SHANK2: variants seen among roughly 807,000 people sequenced by gnomAD.
SHANK2 encodes the protein SH3 and multiple ankyrin repeat domains protein 2.
SHANK2 carries 43 observed loss-of-function variants against 133.7 expected under a neutral mutation model. That is an observed-to-expected ratio of 0.32 (90% CI 0.25 to 0.41). The LOEUF (loss-of-function observed/expected upper bound fraction) is 0.41, where lower values mean the gene tolerates loss of function less well. Ranked by LOEUF, SHANK2 falls within the 10% of genes least tolerant of loss-of-function variation. SHANK2 has a pLI of 1.00. For synonymous variants in SHANK2, 1,017 were observed against 952.8 expected (o/e 1.07, Z -1.24); for missense variants, 1,994 against 2,235.8 (o/e 0.89, Z 2.18).
intron 2 of SHANK2, among the ~76,000 whole-genome samples, chr11:71,158,553 A>C (rs868973526): frequency 2.0e-5 from 3 of 152,206 alleles, no homozygotes; most frequent in Non-Finnish European, 4.4e-5. Flanking sequence ...ATTCTCCACA[A>C]AATATAAACT....
chr11:71,139,915 G>A (rs4945098), intron 3 of SHANK2, among the ~76,000 whole-genome samples: 56,192 of 151,788 alleles, frequency 0.37, 11,815 homozygotes, highest in East Asian at 0.52. Flanking sequence ...CAGCAGCAGT[G>A]GGCCCGGACA....
At chr11:70,651,225 T>G (rs1270468431) in intron 17 of SHANK2, among the ~76,000 whole-genome samples, 1 of 152,168 alleles carries the variant, frequency 6.6e-6, no homozygotes, top group Non-Finnish European at 1.5e-5. Flanking sequence ...CTGAAGTGAT[T>G]CTGAATCTTT....
intron 17 of SHANK2, among the ~76,000 whole-genome samples, chr11:70,566,929 A>T (rs2059975556): frequency 6.6e-6 from 1 of 152,214 alleles, no homozygotes; most frequent in Non-Finnish European, 1.5e-5. Context: ...AGAAGGAAGA[A>T]TCTCTACTCA....
At position 70,492,413 on chromosome 11, in the gene SHANK2, G is replaced by C. The variant is rs1373325413; in HGVS notation, c.2361C>G (p.Asn787Lys). 1.1e-5 allele frequency: 17 copies of C among 1,613,844 alleles called. No homozygotes were observed. The highest frequency in any genetic ancestry group is 1.4e-5 in the Non-Finnish European group (16 of 1,180,056). ...PASKPSRAAE[N>K]MAVEPRVATI... ...TCGCCACCCTCGGTTCCACAGCCAT[G>C]TTCTCAGCAGCGCGGGAGGGCTTGG... is the stretch of plus-strand genomic sequence containing the variant. Residue 787 changes from asparagine (N) to lysine (K), a missense_variant, in exon 22 of 26, where the codon AAC becomes AAG. Asn to Lys is a moderately conservative substitution (Grantham distance 94). Transcript: ENST00000601538.
intron 8 of SHANK2, among the ~76,000 whole-genome samples, chr11:71,076,930 A>T (rs1310405650): frequency 6.6e-6 from 1 of 152,216 alleles, no homozygotes; most frequent in Non-Finnish European, 1.5e-5. Flanking sequence ...AAAGTGACAG[A>T]GCCTGGGAGC....
At chr11:71,085,690 T>C (rs1951381056) in intron 8 of SHANK2, among the ~76,000 whole-genome samples, 2 of 54,640 alleles carry the variant, frequency 3.7e-5, no homozygotes, top group Non-Finnish European at 6.5e-5. Flanking sequence ...TAATATAATA[T>C]ATAACATATT....
At chr11:71,177,171 T>C (rs1953464021) in intron 2 of SHANK2, among the ~76,000 whole-genome samples, 1 of 152,076 alleles carries the variant, frequency 6.6e-6, no homozygotes, top group South Asian at 2.1e-4. Context: ...CTACAATAAA[T>C]GTTAATAGAA....
intron 14 of SHANK2, among the ~76,000 whole-genome samples, chr11:70,729,298 C>A (rs1946234830): frequency 1.3e-5 from 2 of 150,782 alleles, no homozygotes; most frequent in African/African-American, 4.9e-5. Context: ...TGAAGCCAGA[C>A]ACCAAGGGCT....
At chr11:70,539,519 G>T (rs180896359) in intron 17 of SHANK2, among the ~76,000 whole-genome samples, 75 of 150,848 alleles carry the variant, frequency 5.0e-4, no homozygotes, top group Non-Finnish European at 8.3e-4. Flanking sequence ...CACTCGCCAC[G>T]CTCACCACGC....
In SHANK2 at chr11:70,742,588, C is replaced by G. The variant is rs564994525; in HGVS notation, c.1778-43825G>C. Among the ~76,000 whole-genome samples the G allele has an allele frequency of 2.4e-4, 36 of 152,304 alleles. No homozygotes were observed. The East Asian group carries it at 6.4e-3, about 27-fold the overall frequency. ...AGTCCCAGTCCAGTTCACGCCACCC[C>G]CCACCCGGCTCTGCCATCCCATAAT... is the stretch of plus-strand genomic sequence containing the variant. On this transcript the variant is annotated intron_variant, in intron 14 of 25. Coordinates refer to ENST00000601538, the MANE Select transcript of SHANK2 (RefSeq NM_012309.5).
intron 17 of SHANK2, among the ~76,000 whole-genome samples, chr11:70,534,240 A>C (rs1366777767): frequency 1.3e-5 from 2 of 152,170 alleles, no homozygotes; most frequent in African/African-American, 4.8e-5. Flanking sequence ...GGGGAAGCAA[A>C]CACGTCCTTC....
At position 71,084,616 on chromosome 11, in the gene SHANK2, G is replaced by T. The variant is rs902841787; in HGVS notation, c.912+7806C>A. On this transcript the variant is annotated intron_variant, in intron 8 of 25. Transcript: ENST00000601538. ...AGCCCATCAGCCTGAGAGCTCGGAG[G>T]TGCTTCTCCCGAGAGGGCAGAGCCA... is the stretch of plus-strand genomic sequence containing the variant. 2.6e-5 allele frequency among the ~76,000 whole-genome samples: 4 copies of T among 152,340 alleles called. No individual in the cohort carries two copies. In the South Asian group the frequency reaches 8.3e-4, roughly 32 times the overall value.
intron 2 of SHANK2, among the ~76,000 whole-genome samples, chr11:71,182,289 A>G (rs1398306818): frequency 6.6e-6 from 1 of 152,240 alleles, no homozygotes; most frequent in African/African-American, 2.4e-5. Flanking sequence ...GTCTTTGTTC[A>G]GATGATCTTT....
At chr11:70,512,297 C>T (rs2059214718) in intron 17 of SHANK2, among the ~76,000 whole-genome samples, 1 of 152,164 alleles carries the variant, frequency 6.6e-6, no homozygotes. Flanking sequence ...GTCAAGACAC[C>T]ATCAGTTGAG....
chr11:70,480,226 T>G (rs1268549201), intron 25 of SHANK2, among the ~76,000 whole-genome samples: 1 of 152,238 alleles, frequency 6.6e-6, no homozygotes, highest in African/African-American at 2.4e-5. Context: ...TTGTACTCTC[T>G]GTCCCGTGCC....
In SHANK2 at chr11:70,680,726, C is replaced by T. The variant is rs573429438; in HGVS notation, c.1853+17962G>A. Among the ~76,000 whole-genome samples, 58 of 152,316 alleles carry T rather than the reference C, an allele frequency of 3.8e-4. 1 individual carries two copies. The highest frequency in any genetic ancestry group is 3.7e-3 in the Admixed American group (56 of 15,296). On this transcript the variant is annotated intron_variant, in intron 15 of 25. Transcript: ENST00000601538. Reference sequence around the variant, plus strand: ...TCCACAGTTCACTTGGCCATGCCACCCCAGCCTCTCTCTCTTTCCCTGGTG... The same window carrying T: ...TCCACAGTTCACTTGGCCATGCCACTCCAGCCTCTCTCTCTTTCCCTGGTG...
At chr11:71,100,963 G>A (rs1445299939) in intron 6 of SHANK2, among the ~76,000 whole-genome samples, 2 of 151,978 alleles carry the variant, frequency 1.3e-5, no homozygotes, top group African/African-American at 2.4e-5. Flanking sequence ...GACGGGTGGA[G>A]CACAGAGGAG....
intron 20 of SHANK2, among the ~76,000 whole-genome samples, chr11:70,501,524 T>C (rs2059052393): frequency 6.6e-6 from 1 of 152,146 alleles, no homozygotes; most frequent in Admixed American, 6.5e-5. Flanking sequence ...CTACATGCCA[T>C]CTCTGTGTGT....
chr11:70,862,652 T>C, intron 11 of SHANK2: 1 of 287,256 alleles, frequency 3.5e-6, no homozygotes, highest in Non-Finnish European at 6.6e-6. Context: ...TGGACTGGAC[T>C]GGCTGATAGA....
Sources: allele counts gnomAD v4.1 joint callset (sites outside exome capture counted in the v4.1 genomes callset), GRCh38; gene constraint gnomAD v4.1.1; transcripts MANE v1.5; gene names NCBI Gene and HGNC (gene_info 2026-07-23, HGNC 2026-07-21).